Variants in IQCE observed in about 807,000 individuals in gnomAD.
The protein encoded by IQCE is IQ motif containing E, also known as IQ domain-containing protein E.
IQCE carries 115 observed loss-of-function variants against 96.0 expected under a neutral mutation model. The observed-to-expected ratio is 1.20, with a 90% CI of 1.03 to 1.40. The LOEUF (loss-of-function observed/expected upper bound fraction) is 1.40. IQCE is among the 40% of genes most tolerant of loss of function. IQCE has a pLI of 0.00. For synonymous variants in IQCE, 412 were observed against 371.2 expected (o/e 1.11, Z -1.26); for missense variants, 1,041 against 909.1 (o/e 1.15, Z -1.87).
At chr7:2,577,353 T>C (rs1429508330) in intron 6 of IQCE, among the ~76,000 whole-genome samples, 6 of 125,548 alleles carry the variant, frequency 4.8e-5, no homozygotes, top group Middle Eastern at 4.1e-3. Context: ...TGCGTGGCTG[T>C]GCGCGCGGGG....
At chr7:2,563,603 C>G (rs1485694474) in intron 1 of IQCE, among the ~76,000 whole-genome samples, 1 of 152,026 alleles carries the variant, frequency 6.6e-6, no homozygotes, top group Non-Finnish European at 1.5e-5. Context: ...TCTTTGAGCC[C>G]TGCTTTAGGT....
At chr7:2,571,256 C>G (rs184351068) in intron 3 of IQCE, 2 of 364,924 alleles carry the variant, frequency 5.5e-6, no homozygotes, top group Admixed American at 4.6e-5. Context: ...TGGCCTCAAG[C>G]GATTCTCCTG....
chr7:2,567,007 G>A lies in IQCE; in HGVS notation c.37-109G>A, dbSNP rs926669882. On this transcript the variant is annotated intron_variant, in intron 1 of 21. Transcript: ENST00000402050. ...GAGTGGCCTCAGAGCTGGATTTCTG[G>A]AGTTTCTGTTTCAGCAGCTGTGGAC... is the stretch of plus-strand genomic sequence containing the variant. 13 of 869,366 alleles carry A rather than the reference G, an allele frequency of 1.5e-5. No individual in the cohort carries two copies. In the African/African-American group the frequency reaches 2.0e-4, roughly 13 times the overall value. 53.9% of individuals were successfully genotyped at this position (869,366 alleles called of 1,614,324 possible). A position where few individuals can be genotyped will look rare whatever the true frequency, so the allele number is the denominator to read the frequency against.
intron 1 of IQCE, among the ~76,000 whole-genome samples, chr7:2,561,011 G>A (rs138294124): frequency 3.1e-4 from 46 of 150,678 alleles, no homozygotes; most frequent in African/African-American, 1.1e-3. Context: ...AGGCTGGAGT[G>A]CAATGATGCC....
intron 6 of IQCE, 101 bp from the exon 7 acceptor site, chr7:2,578,141 G>A (rs909525218): frequency 8.2e-6 from 7 of 858,654 alleles, no homozygotes; most frequent in South Asian, 5.7e-5. Context: ...TGTGTGCGGC[G>A]TGCCCGCATT....
intron 18 of IQCE, among the ~76,000 whole-genome samples, chr7:2,603,499 CAG>C (rs1784579075): frequency 6.6e-6 from 1 of 152,174 alleles, no homozygotes; most frequent in Non-Finnish European, 1.5e-5. Context: ...CCCCATGCCT[CAG>C]GGGCCTCGTC....
intron 4 of IQCE, 28 bp from the exon 5 acceptor site, chr7:2,572,164 A>G: frequency 6.3e-7 from 1 of 1,593,302 alleles, no homozygotes; most frequent in Non-Finnish European, 8.6e-7. Context: ...TGTATCTGTC[A>G]TATTAAACCC....
chr7:2,587,736 A>G (rs1583460119), intron 12 of IQCE, 86 bp from the exon 13 acceptor site: 2 of 1,324,768 alleles, frequency 1.5e-6, no homozygotes. Context: ...GCTGCGGAAG[A>G]GGAGCCTCAG....
chr7:2,562,823 AT>A (rs2128425983), intron 1 of IQCE, among the ~76,000 whole-genome samples: 1 of 149,290 alleles, frequency 6.7e-6, no homozygotes, highest in East Asian at 2.0e-4. Flanking sequence ...GAAAGTTTAG[AT>A]TATTGGATTA....
intron 5 of IQCE, chr7:2,572,717 C>CT (rs200530627): frequency 2.5e-4 from 110 of 444,238 alleles, no homozygotes; most frequent in Middle Eastern, 6.5e-4. Context: ...TGCCTAGTCT[C>CT]TTTTTTTTTA....
rs1475144504 is a variant in IQCE at position 2,586,345 on chromosome 7, C to G, written c.962C>G (p.Thr321Ser). 1 of 1,613,236 alleles carries G rather than the reference C, an allele frequency of 6.2e-7. No individual in the cohort carries two copies. The highest frequency in any genetic ancestry group is 1.3e-5 in the African/African-American group (1 of 74,884). Residue 321 changes from threonine to serine, a missense_variant, in exon 12 of 22, where the codon ACC (threonine) becomes AGC (serine). Thr to Ser is a moderately conservative substitution (Grantham distance 58). Transcript: ENST00000402050. ...GAGGACCTGGACCGCGTGCTGAGCA[C>G]CTCCCCAACCATCTCCAAGACACAG... ...LKEDLDRVLSTSPTISKTQGY... is the reference protein window; with the variant it reads ...LKEDLDRVLSSSPTISKTQGY...
intron 1 of IQCE, among the ~76,000 whole-genome samples, chr7:2,565,339 G>A (rs956703249): frequency 2.0e-5 from 3 of 152,120 alleles, no homozygotes; most frequent in Non-Finnish European, 2.9e-5. Context: ...TTCCGGTCCT[G>A]ACTGCGTTTC....
At position 2,594,941 on chromosome 7, in the gene IQCE, G is replaced by A. The variant is rs377448242; in HGVS notation, c.1405G>A (p.Glu469Lys). ...KLQELQEMKK[E>K]EKEDCPEVPH... Reference sequence around the variant, plus strand: ...CCAAGAATTGCAAGAAATGAAGAAAGAAGAGAAAGAGGATTGCCCGGAAGT... The same window carrying A: ...CCAAGAATTGCAAGAAATGAAGAAAAAAGAGAAAGAGGATTGCCCGGAAGT... Residue 469 changes from glutamate (E) to lysine (K), a missense_variant, in exon 16 of 22, where the codon GAA (glutamate) becomes AAA (lysine). By Grantham distance (56) the Glu-to-Lys change is moderately conservative. Coordinates refer to ENST00000402050, the MANE Select transcript of IQCE (RefSeq NM_152558.5). 9 of 1,613,776 alleles carry A rather than the reference G, an allele frequency of 5.6e-6. No individual in the cohort carries two copies. In the Admixed American group the frequency reaches 6.7e-5, roughly 12 times the overall value.
chr7:2,613,146 A>T lies in IQCE; in HGVS notation c.*2984A>T, dbSNP rs542252023. 3 of 152,366 alleles carry T rather than the reference A, an allele frequency of 2.0e-5. No homozygotes were observed. Among genetic ancestry groups the T allele is most frequent in the African/African-American group, 7.2e-5 (3 of 41,570 alleles). 9.4% of individuals were successfully genotyped at this position (152,366 alleles called of 1,614,324 possible). On this transcript the variant is annotated 3_prime_UTR_variant, in exon 22 of 22. Transcript: ENST00000402050. ...TTCTCTATCCCATGCCCTTTAAACA[A>T]GCAGCCACAGGAGATGTCAGTCTCC...
chr7:2,584,646 C>G (rs897903681), intron 11 of IQCE: 2 of 217,558 alleles, frequency 9.2e-6, no homozygotes, highest in African/African-American at 4.6e-5. Context: ...TAATGTTTTC[C>G]TAAATAAGTT....
chr7:2,576,344 A>G (rs1782122556), intron 6 of IQCE, among the ~76,000 whole-genome samples: 1 of 152,224 alleles, frequency 6.6e-6, no homozygotes, highest in Admixed American at 6.5e-5. Context: ...GAAGAACATA[A>G]TTTCAAAGTA....
At chr7:2,607,612 C>A in intron 21 of IQCE, 1 of 1,084,938 alleles carries the variant, frequency 9.2e-7, no homozygotes, top group Non-Finnish European at 1.1e-6. Flanking sequence ...GCTGGCACTG[C>A]AGGATGCCAC....
At chr7:2,591,250 CA>C (rs879360186) in intron 14 of IQCE, among the ~76,000 whole-genome samples, 21 of 131,902 alleles carry the variant, frequency 1.6e-4, no homozygotes, top group South Asian at 2.5e-4. Context: ...GACTCTGTCT[CA>C]AAAAAAAAAA....
At chr7:2,602,013 C>A in intron 18 of IQCE, 1 of 159,656 alleles carries the variant, frequency 6.3e-6, no homozygotes, top group Non-Finnish European at 1.4e-5. Flanking sequence ...TCACTGATCA[C>A]CAGCCCTGCG....
Sources: gnomAD v4.1 joint callset for allele counts (sites outside exome capture counted in the v4.1 genomes callset) on GRCh38, gnomAD v4.1.1 for gene constraint, MANE v1.5 for transcripts, NCBI Gene and HGNC (gene_info 2026-07-23, HGNC 2026-07-21) for gene names.